Variants in KRAS observed in about 807,000 individuals in gnomAD.
The protein encoded by KRAS is GTPase KRas.
Under a neutral mutation model 21.0 loss-of-function variants are expected in KRAS, and 1 was observed. That is an observed-to-expected ratio of 0.05 (90% CI 0.02 to 0.23). The LOEUF (loss-of-function observed/expected upper bound fraction) is 0.23, where lower values mean the gene tolerates loss of function less well. Ranked by LOEUF, KRAS falls within the 10% of genes least tolerant of loss-of-function variation. The pLI, the probability that KRAS is intolerant of heterozygous loss-of-function variation, is 1.00. For synonymous variants in KRAS, 67 were observed against 72.5 expected, an observed-to-expected ratio of 0.92 and a Z score of 0.39; for missense variants, 107 against 221.8, an observed-to-expected ratio of 0.48 and a Z score of 3.29.
rs1186414115 is a variant in KRAS at position 25,206,671 on chromosome 12, A to C, written c.*3124T>G. On this transcript the variant is annotated 3_prime_UTR_variant, in exon 5 of 5. Coordinates refer to ENST00000311936, the MANE Select transcript of KRAS (RefSeq NM_004985.5). ...GGTACTGTGTAAGTCTTAACACCCT[A>C]CCTAAACAGTGTTCCAAAGATCTGT... is the stretch of plus-strand genomic sequence containing the variant. 5.0e-6 allele frequency: 1 copy of C among 201,080 alleles called. No individual in the cohort carries two copies. Among genetic ancestry groups the C allele is most frequent in the African/African-American group, 2.3e-5 (1 of 43,614 alleles). 12.5% of individuals were successfully genotyped at this position (201,080 alleles called of 1,614,324 possible).
intron 2 of KRAS, among the ~76,000 whole-genome samples, chr12:25,239,047 C>T (rs1475603432): frequency 6.6e-6 from 1 of 152,196 alleles, no homozygotes; most frequent in Non-Finnish European, 1.5e-5. Flanking sequence ...CATACCCTTC[C>T]TAGCAGTTAT....
At chr12:25,246,551 C>A (rs1479726624) in intron 1 of KRAS, among the ~76,000 whole-genome samples, 2 of 150,464 alleles carry the variant, frequency 1.3e-5, no homozygotes, top group Admixed American at 6.6e-5. Context: ...GAGTAAGACT[C>A]CATCTCAAAA....
At position 25,231,188 on chromosome 12, in the gene KRAS, G is replaced by A. The variant is rs548364450; in HGVS notation, c.112-3776C>T. Among the ~76,000 whole-genome samples the A allele has an allele frequency of 6.2e-5, 8 of 129,412 alleles. No homozygotes were observed. In the South Asian group the frequency reaches 1.6e-3, roughly 26 times the overall value. 84.9% of individuals were successfully genotyped at this position (129,412 alleles called of 152,430 possible). A position where few individuals can be genotyped will look rare whatever the true frequency, so the allele number is the denominator to read the frequency against. ...ACGATCTCGAGTCACTGCAACCTCC[G>A]CCTCCCAGGTTCAAGCGATTCTCCT... is the stretch of plus-strand genomic sequence containing the variant. On this transcript the variant is annotated intron_variant, in intron 2 of 4. Coordinates refer to ENST00000311936, the MANE Select transcript of KRAS (RefSeq NM_004985.5).
chr12:25,232,101 A>G (rs896253230), intron 2 of KRAS, among the ~76,000 whole-genome samples: 1 of 152,152 alleles, frequency 6.6e-6, no homozygotes, highest in African/African-American at 2.4e-5. Context: ...AACGTGTATC[A>G]CAAGTGGACC....
At chr12:25,231,840 G>T (rs1251176449) in intron 2 of KRAS, among the ~76,000 whole-genome samples, 1 of 152,044 alleles carries the variant, frequency 6.6e-6, no homozygotes, top group Non-Finnish European at 1.5e-5. Context: ...AAAAACTAAA[G>T]AAGAAAAAGT....
rs1229307469 is a variant in KRAS at position 25,209,735 on chromosome 12, G to T, written c.*60C>A. On this transcript the variant is annotated 3_prime_UTR_variant, in exon 5 of 5. Coordinates refer to ENST00000311936, the MANE Select transcript of KRAS (RefSeq NM_004985.5). Reference sequence around the variant, plus strand: ...CTAAAACAAATGCTAATAATTTAGTGTAATGTACAAAAATTACCACTTGTA... The same window carrying T: ...CTAAAACAAATGCTAATAATTTAGTTTAATGTACAAAAATTACCACTTGTA... 2.1e-5 allele frequency: 34 copies of T among 1,582,576 alleles called. No homozygotes were observed. Among genetic ancestry groups the T allele is most frequent in the Non-Finnish European group, 2.8e-5 (33 of 1,164,602 alleles).
At chr12:25,224,665 C>T (rs1282163993) in intron 4 of KRAS, among the ~76,000 whole-genome samples, 1 of 151,982 alleles carries the variant, frequency 6.6e-6, no homozygotes, top group South Asian at 2.1e-4. Context: ...TTTAGACACA[C>T]AAAACTTACC....
At chr12:25,236,377 C>T (rs1430450925) in intron 2 of KRAS, among the ~76,000 whole-genome samples, 1 of 152,158 alleles carries the variant, frequency 6.6e-6, no homozygotes, top group Non-Finnish European at 1.5e-5. Flanking sequence ...CAGCCAAAGG[C>T]ACCTCTGCAG....
chr12:25,232,865 A>G (rs1565887155), intron 2 of KRAS, among the ~76,000 whole-genome samples: 2 of 152,238 alleles, frequency 1.3e-5, no homozygotes, highest in South Asian at 2.1e-4. Flanking sequence ...AATAAGCACA[A>G]TATTTTTGGA....
rs71065925 is a variant in KRAS at position 25,218,945 on chromosome 12, G to GT, written c.450+6668dup. On this transcript the variant is annotated intron_variant, in intron 4 of 4. Transcript: ENST00000311936. ...TTTTTTTTTAACTTTTTCTTTTTTT[G>GT]TTTTTTTTTTTTGAGATGGAGTCTC... Among the ~76,000 whole-genome samples the GT allele has an allele frequency of 5.3e-3, 770 of 144,496 alleles. 7 individuals are homozygous for GT. The highest frequency in any genetic ancestry group is 0.017 in the South Asian group (78 of 4,558). 94.8% of individuals were successfully genotyped at this position (144,496 alleles called of 152,430 possible).
chr12:25,212,998 A>G (rs1029278032), intron 4 of KRAS, among the ~76,000 whole-genome samples: 1 of 152,186 alleles, frequency 6.6e-6, no homozygotes, highest in African/African-American at 2.4e-5. Context: ...TCCTGGGGTC[A>G]GGCAATCCTC....
chr12:25,220,353 G>A (rs946155412), intron 4 of KRAS, among the ~76,000 whole-genome samples: 4 of 152,272 alleles, frequency 2.6e-5, no homozygotes, highest in South Asian at 4.1e-4. Flanking sequence ...AATATGTAAC[G>A]CATTATATTC....
intron 2 of KRAS, among the ~76,000 whole-genome samples, chr12:25,242,761 C>T (rs1301753981): frequency 6.6e-6 from 1 of 152,078 alleles, no homozygotes; most frequent in East Asian, 1.9e-4. Flanking sequence ...TGAAAGATAG[C>T]TAATTTTCAG....
chr12:25,249,591 C>CAAAAAAGAAAAAAAAAAAAA (rs1951737403), intron 1 of KRAS, among the ~76,000 whole-genome samples: 1 of 60,822 alleles, frequency 1.6e-5, no homozygotes, highest in African/African-American at 6.3e-5. Flanking sequence ...GACTGTGTCT[C>CAAAAAAGAAAAAAAAAAAAA]AAAAAAAAAA....
intron 4 of KRAS, among the ~76,000 whole-genome samples, chr12:25,221,302 G>C (rs1281786771): frequency 3.3e-5 from 5 of 151,146 alleles, no homozygotes; most frequent in Admixed American, 2.0e-4. Flanking sequence ...GCTTGATCTG[G>C]GCTCACTACA....
chr12:25,229,963 G>A (rs1951444938), intron 2 of KRAS, among the ~76,000 whole-genome samples: 1 of 151,982 alleles, frequency 6.6e-6, no homozygotes, highest in Admixed American at 6.5e-5. Context: ...TAGTAGAGAT[G>A]GGGTTTCACC....
rs1951130763 is a variant in KRAS, at chr12:25,205,793, A to T, written c.*4002T>A. The T allele has an allele frequency of 4.6e-6, 1 of 217,072 alleles. No homozygotes were observed. The highest frequency in any genetic ancestry group is 2.2e-5 in the African/African-American group (1 of 44,534). The allele number at this position is 217,072 out of a possible 1,614,324, so 13.4% of individuals were successfully genotyped here. On this transcript the variant is annotated 3_prime_UTR_variant, in exon 5 of 5. Coordinates refer to ENST00000311936, the MANE Select transcript of KRAS (RefSeq NM_004985.5). ...TCCCAAACAGGCACTTCAAACTATT[A>T]AACTAAAACACAGATCTTAATCTAG...
chr12:25,240,081 A>G (rs751804547), intron 2 of KRAS, among the ~76,000 whole-genome samples: 2 of 152,200 alleles, frequency 1.3e-5, no homozygotes, highest in Non-Finnish European at 2.9e-5. Context: ...ATAGAAAAGT[A>G]GTAAAAAATA....
chr12:25,241,057 C>A (rs948505847), intron 2 of KRAS, among the ~76,000 whole-genome samples: 7 of 152,210 alleles, frequency 4.6e-5, no homozygotes, highest in African/African-American at 1.7e-4. Context: ...GAGAGCCACA[C>A]TGCTGCCTTT....
Sources: allele counts gnomAD v4.1 joint callset (sites outside exome capture counted in the v4.1 genomes callset), GRCh38; gene constraint gnomAD v4.1.1; transcripts MANE v1.5; gene names NCBI Gene and HGNC (gene_info 2026-07-23, HGNC 2026-07-21).